The following FRY variants were observed in gnomAD, a reference collection of about 807,000 sequenced individuals.
The protein encoded by FRY is FRY microtubule binding protein, also known as protein furry homolog.
Under a neutral mutation model 348.4 loss-of-function variants are expected in FRY, and 128 were observed. The ratio of observed to expected loss-of-function variants is 0.37; its 90% confidence interval spans 0.32 to 0.43. The LOEUF (loss-of-function observed/expected upper bound fraction) is 0.43, where lower values mean the gene tolerates loss of function less well. Ranked by LOEUF, FRY falls within the 20% of genes least tolerant of loss-of-function variation. The pLI is 1.00. For missense variants in FRY, 2,736 were observed against 3,695.2 expected, an observed-to-expected ratio of 0.74 and a Z score of 6.73; for synonymous variants, 1,370 against 1,374.7, an observed-to-expected ratio of 1.00 and a Z score of 0.08.
At chr13:32,208,762 C>A in intron 31 of FRY, 91 bp from the exon 32 acceptor site, 1 of 1,445,124 alleles carries the variant, frequency 6.9e-7, no homozygotes. Context: ...AAACGTAGGA[C>A]ACTGTTCAGT....
rs368596423 is a variant in FRY, at chr13:32,052,879, C to T, written c.70+21014C>T. ...CTGTAATCCCAGTGCTTTGGGAGGC[C>T]GAGGCAGGCAGATCACCTGAGGTCA... On this transcript the variant is annotated intron_variant, in intron 1 of 60. Coordinates refer to ENST00000542859, the MANE Select transcript of FRY (RefSeq NM_023037.3). Among the ~76,000 whole-genome samples the T allele has an allele frequency of 3.0e-3, 462 of 152,200 alleles. 1 individual carries two copies. The highest frequency in any genetic ancestry group is 0.011 in the African/African-American group (440 of 41,544).
Position 32,042,935 on chromosome 13 carries a change from T to C in FRY, c.70+11070T>C, listed in dbSNP as rs559402941. ...AGATTCTTGTACCAAGGAAGAATGA[T>C]AGGCAACTAATAGTGCCATTAAGTA... On this transcript the variant is annotated intron_variant, in intron 1 of 60. Coordinates refer to ENST00000542859, the MANE Select transcript of FRY (RefSeq NM_023037.3). Among the ~76,000 whole-genome samples, 51 of 152,338 alleles carry C rather than the reference T, an allele frequency of 3.3e-4. 1 individual carries two copies. The East Asian group carries it at 9.6e-3, about 29-fold the overall frequency.
At chr13:32,171,309 T>C in intron 18 of FRY, 39 bp downstream of exon 18, 2 of 1,164,052 alleles carry the variant, frequency 1.7e-6, no homozygotes, top group Non-Finnish European at 2.2e-6. Flanking sequence ...ATATTCTTTT[T>C]TTTTTTTTTT....
intron 7 of FRY, among the ~76,000 whole-genome samples, chr13:32,131,464 A>G (rs1273884258): frequency 1.3e-5 from 2 of 152,238 alleles, no homozygotes; most frequent in Non-Finnish European, 2.9e-5. Flanking sequence ...GATGTTGAGC[A>G]TCTTACAGTA....
In FRY at chr13:32,209,070, G is replaced by C; in HGVS notation, c.4236G>C (p.Thr1412=). Residue 1412 remains threonine, a synonymous_variant, in exon 32 of 61, where the codon ACG becomes ACC. Coordinates refer to ENST00000542859, the MANE Select transcript of FRY (RefSeq NM_023037.3). ...RGNGWGSPEA[T]SLVLNNLMYM... is the part of the protein sequence containing the mutation. Reference sequence around the variant, plus strand: ...ATGGCTGGGGCTCTCCAGAAGCCACGTCACTGGTCCTGAACAACCTCATGT... The same window carrying C: ...ATGGCTGGGGCTCTCCAGAAGCCACCTCACTGGTCCTGAACAACCTCATGT... 6.2e-7 allele frequency: 1 copy of C among 1,614,064 alleles called. No homozygotes were observed. The highest frequency in any genetic ancestry group is 8.5e-7 in the Non-Finnish European group (1 of 1,180,030).
At chr13:32,207,247 A>AT (rs747912113) in intron 31 of FRY, among the ~76,000 whole-genome samples, 116 of 151,744 alleles carry the variant, frequency 7.6e-4, no homozygotes, top group Non-Finnish European at 1.2e-3. Flanking sequence ...TGTTTTTGGG[A>AT]TTTTTTCCCC....
rs377528808 is a variant in FRY, at chr13:32,251,884, A to G, written c.7177A>G (p.Thr2393Ala). ...WKRPQYSQKR[T>A]KEKLVHVLSL... is the part of the protein sequence containing the mutation. ...CCTTGTGTTTCTTTTCCAGAAGAGA[A>G]CAAAAGAGAAGTTGGTACATGTCCT... Residue 2393 changes from threonine (T) to alanine (A), a missense_variant, in exon 50 of 61, where the codon ACA becomes GCA. Coordinates refer to ENST00000542859, the MANE Select transcript of FRY (RefSeq NM_023037.3). 5.6e-6 allele frequency: 9 copies of G among 1,611,356 alleles called. No homozygotes were observed. Among genetic ancestry groups the G allele is most frequent in the Non-Finnish European group, 4.2e-6 (5 of 1,177,578 alleles).
At chr13:32,089,114 C>T (rs980609526) in intron 2 of FRY, among the ~76,000 whole-genome samples, 2 of 152,126 alleles carry the variant, frequency 1.3e-5, no homozygotes, top group African/African-American at 4.8e-5. Flanking sequence ...TTTTGACATT[C>T]CTGAAAATCA....
At chr13:32,260,401 C>CTGTCT (rs5802640) in intron 51 of FRY, among the ~76,000 whole-genome samples, 1,945 of 151,722 alleles carry the variant, frequency 0.013, 37 homozygotes, top group African/African-American at 0.043. Context: ...TCCTTTATTC[C>CTGTCT]TAACAGAAAG....
At position 32,237,996 on chromosome 13, in the gene FRY, G is replaced by A. The variant is rs1336963915; in HGVS notation, c.6418+10G>A. 1.2e-6 allele frequency: 2 copies of A among 1,612,454 alleles called. No homozygotes were observed. The highest frequency in any genetic ancestry group is 2.7e-5 in the African/African-American group (2 of 74,922). The stretch of plus-strand genomic sequence containing the variant: ...GCATCCCACGCTATTGGTAAAGCCA[G>A]CCTCGTTCACCCTGTCTCAATTCTG... On this transcript the variant is annotated intron_variant, in intron 44 of 60. Transcript: ENST00000542859. The surrounding 1 kb of genome is among the most constrained non-coding windows in gnomAD (Gnocchi z 6.3).
At chr13:32,287,710 G>A (rs568048681) in intron 58 of FRY, 8 of 205,204 alleles carry the variant, frequency 3.9e-5, no homozygotes, top group Non-Finnish European at 7.5e-5. Context: ...TGTTGAATGG[G>A]TACGACATTT....
At chr13:32,235,100 G>A (rs1886151913) in intron 42 of FRY, among the ~76,000 whole-genome samples, 1 of 152,168 alleles carries the variant, frequency 6.6e-6, no homozygotes, top group South Asian at 2.1e-4. Flanking sequence ...AACCTAGGAT[G>A]CAGTTATACA....
At chr13:32,154,010 G>A (rs1388625379) in intron 14 of FRY, among the ~76,000 whole-genome samples, 1 of 152,126 alleles carries the variant, frequency 6.6e-6, no homozygotes, top group Non-Finnish European at 1.5e-5. Flanking sequence ...GTTGTCCCGG[G>A]AAAAGGAAAA....
At chr13:32,075,430 A>G (rs1045675686) in intron 1 of FRY, among the ~76,000 whole-genome samples, 1 of 152,176 alleles carries the variant, frequency 6.6e-6, no homozygotes, top group Non-Finnish European at 1.5e-5. Context: ...ATTTCTACCC[A>G]TAGAAGTTAC....
At chr13:32,177,526 G>A (rs556172287) in intron 20 of FRY, among the ~76,000 whole-genome samples, 19 of 152,126 alleles carry the variant, frequency 1.2e-4, no homozygotes, top group African/African-American at 3.1e-4. Flanking sequence ...CCTGGGAGGC[G>A]GAGGTGGCAG....
At chr13:32,117,014 T>C (rs1480137585) in intron 3 of FRY, among the ~76,000 whole-genome samples, 1 of 152,172 alleles carries the variant, frequency 6.6e-6, no homozygotes, top group Non-Finnish European at 1.5e-5. Flanking sequence ...TTCATCTACT[T>C]TAGGCAGATG....
chr13:32,136,049 C>T (rs866163226), intron 10 of FRY, among the ~76,000 whole-genome samples: 4 of 141,126 alleles, frequency 2.8e-5, no homozygotes, highest in Admixed American at 1.4e-4. Context: ...TAAAAAAAAA[C>T]GACTAATGAA....
intron 49 of FRY, among the ~76,000 whole-genome samples, chr13:32,250,558 G>A (rs1460281627): frequency 6.6e-6 from 1 of 152,190 alleles, no homozygotes; most frequent in Admixed American, 6.5e-5. Flanking sequence ...ACTTCAGAGC[G>A]ACAGAGGCCT....
intron 46 of FRY, among the ~76,000 whole-genome samples, chr13:32,243,662 C>T (rs1473093822): frequency 6.6e-6 from 1 of 152,156 alleles, no homozygotes; most frequent in Non-Finnish European, 1.5e-5. Context: ...GTGTCTGATG[C>T]TTTCCTTTTA....
Sources: allele counts gnomAD v4.1 joint callset (sites outside exome capture counted in the v4.1 genomes callset), GRCh38; gene constraint gnomAD v4.1.1; non-coding constraint Gnocchi (gnomAD v3.1); transcripts MANE v1.5; gene names NCBI Gene and HGNC (gene_info 2026-07-23, HGNC 2026-07-21).